The following EVI5 variants were observed in gnomAD, a reference collection of about 807,000 sequenced individuals.
EVI5 encodes ecotropic viral integration site 5 protein homolog.
Under a neutral mutation model 112.0 loss-of-function variants are expected in EVI5, and 73 were observed. The ratio of observed to expected loss-of-function variants is 0.65; its 90% CI spans 0.54 to 0.79. EVI5 has a LOEUF of 0.79. Ranked by LOEUF, EVI5 falls within the 30% of genes least tolerant of loss-of-function variation. EVI5 has a pLI of 0.00. For synonymous variants in EVI5, 305 were observed against 319.9 expected (o/e 0.95, Z 0.50); for missense variants, 900 against 968.8 (o/e 0.93, Z 0.94).
chr1:92,774,960 C>T (rs1683913996), intron 1 of EVI5, among the ~76,000 whole-genome samples: 1 of 152,202 alleles, frequency 6.6e-6, no homozygotes, highest in Non-Finnish European at 1.5e-5. Context: ...GTTCTAACAA[C>T]AATTAATCAA....
intron 1 of EVI5, among the ~76,000 whole-genome samples, chr1:92,775,403 C>T (rs973943700): frequency 6.8e-6 from 1 of 146,170 alleles, no homozygotes; most frequent in Non-Finnish European, 1.5e-5. Flanking sequence ...CTCCAGCCTG[C>T]GAGACACAGC....
At chr1:92,700,877 G>T (rs1671041971) in intron 5 of EVI5, 1 of 152,190 alleles carries the variant, frequency 6.6e-6, no homozygotes, top group Non-Finnish European at 1.5e-5. Flanking sequence ...ATTTCAATTA[G>T]CAATAATTGC....
chr1:92,645,074 A>T (rs1660692940), intron 13 of EVI5, among the ~76,000 whole-genome samples: 1 of 152,180 alleles, frequency 6.6e-6, no homozygotes, highest in African/African-American at 2.4e-5. Flanking sequence ...TGCTTCATCA[A>T]TTACTGAGAC....
Position 92,510,315 on chromosome 1 carries a change from T to C in EVI5, c.*3341A>G, listed in dbSNP as rs1464333145. 6.6e-6 allele frequency: 1 copy of C among 152,228 alleles called. No individual in the cohort carries two copies. Among genetic ancestry groups the C allele is most frequent in the Non-Finnish European group, 1.5e-5 (1 of 68,036 alleles). 9.4% of individuals were successfully genotyped at this position (152,228 alleles called of 1,614,324 possible). On this transcript the variant is annotated 3_prime_UTR_variant, in exon 20 of 20. Transcript: ENST00000684568. ...ACTCTTAAAGGTCTGTGATGCATGC[T>C]TTAAAGAACAGTGATGGGATTCTGG... is the stretch of plus-strand genomic sequence containing the variant.
At chr1:92,726,385 G>C (rs957110175) in intron 2 of EVI5, among the ~76,000 whole-genome samples, 1 of 152,184 alleles carries the variant, frequency 6.6e-6, no homozygotes, top group South Asian at 2.1e-4. Context: ...AAACACAAGA[G>C]AGAAATCAAT....
intron 18 of EVI5, among the ~76,000 whole-genome samples, chr1:92,590,590 T>A (rs558448841): frequency 2.0e-5 from 3 of 151,630 alleles, no homozygotes; most frequent in African/African-American, 7.2e-5. Flanking sequence ...AAATGAACAG[T>A]CTCCAAGAAA....
chr1:92,736,586 G>C lies in EVI5; in HGVS notation c.-40C>G, dbSNP rs377436686. The C allele has an allele frequency of 6.2e-6, 10 of 1,613,930 alleles. No homozygotes were observed. The highest frequency in any genetic ancestry group is 1.3e-5 in the African/African-American group (1 of 74,918). ...GCGATACTGTGTTCTTCACCCATGAGAGAGTAGAGCTCAGCTTTTCTGCAA... is the reference window on the plus strand; with the variant it reads ...GCGATACTGTGTTCTTCACCCATGACAGAGTAGAGCTCAGCTTTTCTGCAA... On this transcript the variant is annotated 5_prime_UTR_variant, in exon 2 of 20. Transcript: ENST00000684568.
intron 13 of EVI5, among the ~76,000 whole-genome samples, chr1:92,654,921 A>G (rs545997701): frequency 1.4e-4 from 22 of 152,328 alleles, no homozygotes; most frequent in African/African-American, 5.3e-4. Flanking sequence ...CAGTCAGACG[A>G]AAATAAAGAA....
chr1:92,637,513 T>C (rs576950810), intron 13 of EVI5, among the ~76,000 whole-genome samples: 10 of 152,302 alleles, frequency 6.6e-5, no homozygotes, highest in Non-Finnish European at 1.3e-4. Flanking sequence ...AACATGAATA[T>C]TGATGCAAAC....
chr1:92,627,621 G>A (rs1340949305), intron 14 of EVI5, among the ~76,000 whole-genome samples: 2 of 152,134 alleles, frequency 1.3e-5, no homozygotes, highest in Non-Finnish European at 2.9e-5. Context: ...CATAGTGGCA[G>A]TACTAGTTTA....
intron 19 of EVI5, among the ~76,000 whole-genome samples, chr1:92,528,814 C>T (rs1662366500): frequency 6.6e-6 from 1 of 152,088 alleles, no homozygotes; most frequent in Non-Finnish European, 1.5e-5. Context: ...TAACGAGGGC[C>T]TTCTGAAATT....
At chr1:92,614,882 A>C (rs1276637179) in intron 16 of EVI5, among the ~76,000 whole-genome samples, 31 of 2,458 alleles carry the variant, frequency 0.013, no homozygotes, top group Non-Finnish European at 0.018. Context: ...ATATATATAT[A>C]TATCTCCTAT....
At chr1:92,562,164 T>C (rs1237640871) in intron 19 of EVI5, among the ~76,000 whole-genome samples, 1 of 152,186 alleles carries the variant, frequency 6.6e-6, no homozygotes, top group Admixed American at 6.5e-5. Flanking sequence ...CCTGGGGTTC[T>C]CAAAAGAATA....
Position 92,662,585 on chromosome 1 carries a change from T to C in EVI5, c.1392+134A>G, listed in dbSNP as rs1007934849. ...CCCCTAAATATCACAGAACATAAAATTGTATAATTTAAAAGTTCAAAGTCT... is the reference window on the plus strand; with the variant it reads ...CCCCTAAATATCACAGAACATAAAACTGTATAATTTAAAAGTTCAAAGTCT... On this transcript the variant is annotated intron_variant, in intron 13 of 19. Coordinates refer to ENST00000684568, the MANE Select transcript of EVI5 (RefSeq NM_001350197.2). 1.2e-5 allele frequency: 6 copies of C among 505,344 alleles called. No individual in the cohort carries two copies. The Admixed American group carries it at 2.6e-4, about 22-fold the overall frequency. The allele number at this position is 505,344 out of a possible 1,614,324, so 31.3% of individuals were successfully genotyped here. A position where few individuals can be genotyped will look rare whatever the true frequency, so the allele number is the denominator to read the frequency against.
intron 1 of EVI5, among the ~76,000 whole-genome samples, chr1:92,764,653 T>C (rs1180541270): frequency 6.6e-6 from 1 of 152,226 alleles, no homozygotes; most frequent in African/African-American, 2.4e-5. Flanking sequence ...TTTTGAACTA[T>C]ACAAGTGCAA....
chr1:92,735,571 T>TA (rs1276491798), intron 2 of EVI5, among the ~76,000 whole-genome samples: 2 of 147,980 alleles, frequency 1.4e-5, no homozygotes, highest in African/African-American at 4.9e-5. Context: ...AAGGGTGCTC[T>TA]TCCATATGTA....
chr1:92,651,894 C>A (rs1662198504), intron 13 of EVI5, among the ~76,000 whole-genome samples: 1 of 151,368 alleles, frequency 6.6e-6, no homozygotes, highest in Non-Finnish European at 1.5e-5. Flanking sequence ...TTGTACACTG[C>A]TTGTGGGAAT....
intron 14 of EVI5, among the ~76,000 whole-genome samples, chr1:92,627,254 C>T (rs889713893): frequency 6.6e-6 from 1 of 152,232 alleles, no homozygotes; most frequent in African/African-American, 2.4e-5. Context: ...TCAGTGAGAA[C>T]ATACGATGCT....
intron 19 of EVI5, among the ~76,000 whole-genome samples, chr1:92,537,723 G>A (rs962933713): frequency 6.6e-6 from 1 of 151,372 alleles, no homozygotes; most frequent in Non-Finnish European, 1.5e-5. Context: ...TCGACTGGAG[G>A]TCATGATTTC....
Sources: allele counts gnomAD v4.1 joint callset (sites outside exome capture counted in the v4.1 genomes callset), GRCh38; gene constraint gnomAD v4.1.1; transcripts MANE v1.5; gene names NCBI Gene and HGNC (gene_info 2026-07-23, HGNC 2026-07-21).